PLPP3: variants seen among roughly 807,000 people sequenced by gnomAD.
PLPP3 encodes PAP2 beta.
In PLPP3, 6 loss-of-function variants were observed where a neutral mutation model predicts 29.6. The ratio of observed to expected loss-of-function variants is 0.20; its 90% CI spans 0.11 to 0.40. PLPP3 has a LOEUF of 0.40. Among genes scored for constraint, PLPP3 ranks in the 10% least tolerant of loss-of-function variants. The probability of loss-of-function intolerance (pLI) is 1.00; values close to 1 mark genes in which losing one functional copy is unlikely to be tolerated. For synonymous variants in PLPP3, 152 were observed against 159.7 expected, an observed-to-expected ratio of 0.95 and a Z score of 0.36; for missense variants, 308 against 407.7, an observed-to-expected ratio of 0.76 and a Z score of 2.11.
At chr1:56,525,505 G>A (rs1276833913) in intron 2 of PLPP3, among the ~76,000 whole-genome samples, 1 of 152,082 alleles carries the variant, frequency 6.6e-6, no homozygotes, top group African/African-American at 2.4e-5. Context: ...TATTCTTTAT[G>A]TCACGAAATC....
At position 56,532,704 on chromosome 1, in the gene PLPP3, T is replaced by C. The variant is rs545402653; in HGVS notation, c.297+4251A>G. Among the ~76,000 whole-genome samples, 3 of 152,304 alleles carry C rather than the reference T, an allele frequency of 2.0e-5. No individual in the cohort carries two copies. The East Asian group carries it at 5.8e-4, about 29-fold the overall frequency. ...AATCCTCTGATATCTTTTGACCTAATGCTTTTGATTTTCTGCCCCCAGTTT... is the reference window on the plus strand; with the variant it reads ...AATCCTCTGATATCTTTTGACCTAACGCTTTTGATTTTCTGCCCCCAGTTT... On this transcript the variant is annotated intron_variant, in intron 2 of 5. Transcript: ENST00000371250.
At chr1:56,515,538 G>C (rs528172857) in intron 4 of PLPP3, among the ~76,000 whole-genome samples, 162 of 152,300 alleles carry the variant, frequency 1.1e-3, no homozygotes, top group African/African-American at 3.8e-3. Flanking sequence ...GAGAGGAAGA[G>C]ACCAGTCATC....
chr1:56,496,495 C>A lies in PLPP3; in HGVS notation c.*56G>T. On this transcript the variant is annotated 3_prime_UTR_variant, in exon 6 of 6. Coordinates refer to ENST00000371250, the MANE Select transcript of PLPP3 (RefSeq NM_003713.5). ...ACTGTCTGATGAGATTGGAGAGCAG[C>A]AAGAACTTGCTGTCAGCAGTCATTT... 1 of 1,594,744 alleles carries A rather than the reference C, an allele frequency of 6.3e-7. No individual in the cohort carries two copies. Among genetic ancestry groups the A allele is most frequent in the Non-Finnish European group, 8.6e-7 (1 of 1,165,782 alleles).
chr1:56,549,228 C>T (rs750836164), intron 1 of PLPP3, among the ~76,000 whole-genome samples: 29 of 152,066 alleles, frequency 1.9e-4, no homozygotes, highest in Non-Finnish European at 2.8e-4. Flanking sequence ...TCTGTGTGGC[C>T]GTTCTTTTTG....
chr1:56,579,144 G>A lies in PLPP3; in HGVS notation c.-128C>T. The A allele has an allele frequency of 3.0e-6, 4 of 1,312,724 alleles. No individual in the cohort carries two copies. The highest frequency in any genetic ancestry group is 4.0e-6 in the Non-Finnish European group (4 of 995,864). The allele number at this position is 1,312,724 out of a possible 1,614,324, so 81.3% of individuals were successfully genotyped here. A position where few individuals can be genotyped will look rare whatever the true frequency, so the allele number is the denominator to read the frequency against. On this transcript the variant is annotated 5_prime_UTR_variant, in exon 1 of 6. Coordinates refer to ENST00000371250, the MANE Select transcript of PLPP3 (RefSeq NM_003713.5). Reference sequence around the variant, plus strand: ...TAGTGGCGGGTCGGCCCCGGCTCCGGGCGCGGCGGCTAGAGTGCAGCCGGG... The same window carrying A: ...TAGTGGCGGGTCGGCCCCGGCTCCGAGCGCGGCGGCTAGAGTGCAGCCGGG...
chr1:56,556,990 GAAAGAAAGAAAGAAAGAA>G (rs1431341916), intron 1 of PLPP3, among the ~76,000 whole-genome samples: 320 of 7,478 alleles, frequency 0.043, 37 homozygotes, highest in African/African-American at 0.096. Flanking sequence ...AAGAAAGAAA[GAAAGAAAGAAAGAAAGAA>G]AGAGAGAGAG....
intron 1 of PLPP3, among the ~76,000 whole-genome samples, chr1:56,551,521 C>T (rs564933492): frequency 1.3e-5 from 2 of 152,194 alleles, no homozygotes; most frequent in East Asian, 3.9e-4. Context: ...CGAACAGGTG[C>T]ACACACACGT....
In PLPP3 at chr1:56,524,361, G is replaced by A; in HGVS notation, c.491C>T (p.Pro164Leu). The change falls in exon 3 of 6, where the codon CCT (proline) becomes CTT (leucine). Residue 164 changes from proline to leucine, a missense_variant. Coordinates refer to ENST00000371250, the MANE Select transcript of PLPP3 (RefSeq NM_003713.5). This position sits in a 1 kb window ranked among gnomAD's most constrained non-coding sequence, Gnocchi z 4.3. ...LRPHFLSVCN[P>L]DFSQINCSEG... ...AGAGCAGTTGATCTGGCTGAAATCA[G>A]GGTTGCAGACACTCAAGAAGTGAGG... The A allele has an allele frequency of 1.9e-6, 3 of 1,614,076 alleles. No homozygotes were observed. The highest frequency in any genetic ancestry group is 2.5e-6 in the Non-Finnish European group (3 of 1,179,966).
intron 1 of PLPP3, chr1:56,538,959 C>CAAAAAAAAAAAAAAACAA (rs752979162): frequency 1.0e-5 from 1 of 96,524 alleles, no homozygotes; most frequent in African/African-American, 4.8e-5. Flanking sequence ...TTCTGGGCTG[C>CAAAAAAAAAAAAAAACAA]AAAAAAAAAA....
At chr1:56,520,702 G>GGA (rs1344211012) in intron 4 of PLPP3, among the ~76,000 whole-genome samples, 1 of 151,622 alleles carries the variant, frequency 6.6e-6, no homozygotes, top group East Asian at 1.9e-4. Context: ...CCTGAGGTCA[G>GGA]GAGTTCAAGA....
intron 4 of PLPP3, among the ~76,000 whole-genome samples, chr1:56,518,739 A>C (rs923686207): frequency 6.7e-6 from 1 of 150,020 alleles, no homozygotes; most frequent in Non-Finnish European, 1.5e-5. Context: ...ATATATAGAC[A>C]GGGTCTCACT....
intron 1 of PLPP3, among the ~76,000 whole-genome samples, chr1:56,557,012 G>GAAAGAAGGAAAGAAAGAAAGAAAAGAA (rs60511169): frequency 1.1e-4 from 1 of 9,106 alleles, no homozygotes; most frequent in African/African-American, 3.1e-4. Flanking sequence ...GAAAGAAAGA[G>GAAAGAAGGAAAGAAAGAAAGAAAAGAA]AGAGAGAGAG....
At chr1:56,509,030 T>G (rs1373076553) in intron 5 of PLPP3, among the ~76,000 whole-genome samples, 1 of 152,176 alleles carries the variant, frequency 6.6e-6, no homozygotes, top group African/African-American at 2.4e-5. Context: ...TGTCCTGGCC[T>G]CTCAGATGGC....
chr1:56,555,448 A>AAAC (rs1646069367), intron 1 of PLPP3, among the ~76,000 whole-genome samples: 1 of 147,112 alleles, frequency 6.8e-6, no homozygotes, highest in Non-Finnish European at 1.5e-5. Context: ...AAAAAAAAAA[A>AAAC]AAAAAAAAAA....
chr1:56,560,234 A>G (rs950337108), intron 1 of PLPP3, among the ~76,000 whole-genome samples: 1 of 152,206 alleles, frequency 6.6e-6, no homozygotes, highest in Non-Finnish European at 1.5e-5. Flanking sequence ...AAAGGTGCTC[A>G]ATGCATATTT....
Position 56,500,947 on chromosome 1 carries a change from T to C in PLPP3, c.811-4271A>G, listed in dbSNP as rs377602310. Among the ~76,000 whole-genome samples, 72 of 138,874 alleles carry C rather than the reference T, an allele frequency of 5.2e-4. 1 individual carries two copies. In the South Asian group the frequency reaches 0.016, roughly 31 times the overall value. The allele number at this position is 138,874 out of a possible 152,430, so 91.1% of individuals were successfully genotyped here. ...TGGACCTGGGAGGCGGAGGTTTCAG[T>C]GAGCCAAGATGGTGCCATTGCACTC... On this transcript the variant is annotated intron_variant, in intron 5 of 5. Transcript: ENST00000371250.
At chr1:56,561,531 C>G (rs915445921) in intron 1 of PLPP3, among the ~76,000 whole-genome samples, 8 of 152,032 alleles carry the variant, frequency 5.3e-5, no homozygotes, top group Non-Finnish European at 1.0e-4. Context: ...ATAAACTGTA[C>G]CAGTGGCTAC....
chr1:56,557,458 G>C (rs953972977), intron 1 of PLPP3, among the ~76,000 whole-genome samples: 38 of 152,112 alleles, frequency 2.5e-4, no homozygotes, highest in African/African-American at 8.9e-4. Context: ...ACTAGATTTT[G>C]AGTTCTTTGA....
intron 2 of PLPP3, among the ~76,000 whole-genome samples, chr1:56,525,740 C>T (rs1295756927): frequency 1.3e-5 from 2 of 152,068 alleles, no homozygotes. Flanking sequence ...CCTCCCAGGG[C>T]AGGATGATGA....
Sources: allele counts gnomAD v4.1 joint callset (sites outside exome capture counted in the v4.1 genomes callset), GRCh38; gene constraint gnomAD v4.1.1; non-coding constraint Gnocchi (gnomAD v3.1); transcripts MANE v1.5; gene names NCBI Gene and HGNC (gene_info 2026-07-23, HGNC 2026-07-21).